The following SPR variants were observed in gnomAD, a reference collection of about 807,000 sequenced individuals.
The protein encoded by SPR is Sepiapterin reductase (L-erythro-7,8-dihydrobiopterin forming).
In SPR, 12 loss-of-function variants were observed where a neutral mutation model predicts 16.0. The ratio of observed to expected loss-of-function variants is 0.75; its 90% CI spans 0.48 to 1.22. SPR has a LOEUF of 1.22. SPR is among the 50% of genes most tolerant of loss of function. The pLI, the probability that SPR is intolerant of heterozygous loss-of-function variation, is 0.00. For missense variants in SPR, 324 were observed against 344.4 expected (o/e 0.94, Z 0.47); for synonymous variants, 177 against 168.5 (o/e 1.05, Z -0.39).
Position 72,888,560 on chromosome 2 carries a change from T to C in SPR, c.551T>C (p.Leu184Pro). The C allele has an allele frequency of 6.3e-7, 1 of 1,596,818 alleles. No individual in the cohort carries two copies. Among genetic ancestry groups the C allele is most frequent in the Non-Finnish European group, 8.5e-7 (1 of 1,169,878 alleles). Residue 184 changes from leucine (L) to proline (P), a missense_variant, in exon 2 of 3, where the codon CTG (leucine) becomes CCG (proline). Transcript: ENST00000234454. The part of the protein sequence containing the change: ...KAARDMLFQV[L>P]ALEEPNVRVL... Reference sequence around the variant, plus strand: ...GCTCGTGATATGCTGTTCCAGGTCCTGGCGCTGGAGGAACCTAATGTGAGG... The same window carrying C: ...GCTCGTGATATGCTGTTCCAGGTCCCGGCGCTGGAGGAACCTAATGTGAGG...
intron 1 of SPR, 23 bp downstream of exon 1, chr2:72,887,759 G>A: frequency 6.7e-7 from 1 of 1,493,372 alleles, no homozygotes; most frequent in Non-Finnish European, 8.9e-7. Context: ...GGCTGGAGCG[G>A]ACTCCCCATG....
At chr2:72,890,493 C>T (rs1670601353) in intron 2 of SPR, among the ~76,000 whole-genome samples, 1 of 152,226 alleles carries the variant, frequency 6.6e-6, no homozygotes. Context: ...AAGCGCCCGC[C>T]ACCACACCCG....
In SPR at chr2:72,891,690, G is replaced by A; in HGVS notation, c.*153G>A. 1 of 873,234 alleles carries A rather than the reference G, an allele frequency of 1.1e-6. No homozygotes were observed. The highest frequency in any genetic ancestry group is 1.8e-6 in the Non-Finnish European group (1 of 547,282). The allele number at this position is 873,234 out of a possible 1,614,324, so 54.1% of individuals were successfully genotyped here. On this transcript the variant is annotated 3_prime_UTR_variant, in exon 3 of 3. Coordinates refer to ENST00000234454, the MANE Select transcript of SPR (RefSeq NM_003124.5). ...CCTGCCCTCAGGCACAGCCAGCTGT[G>A]AGCTCCCAGGTCATTGGCCTTACCA...
Position 72,891,630 on chromosome 2 carries a change from C to A in SPR, c.*93C>A. The A allele has an allele frequency of 7.0e-7, 1 of 1,431,736 alleles. No homozygotes were observed. The highest frequency in any genetic ancestry group is 9.7e-7 in the Non-Finnish European group (1 of 1,031,852). 88.7% of individuals were successfully genotyped at this position (1,431,736 alleles called of 1,614,324 possible). A position where few individuals can be genotyped will look rare whatever the true frequency, so the allele number is the denominator to read the frequency against. On this transcript the variant is annotated 3_prime_UTR_variant, in exon 3 of 3. Coordinates refer to ENST00000234454, the MANE Select transcript of SPR (RefSeq NM_003124.5). Reference sequence around the variant, plus strand: ...CCCCACACCCTGCCATAGGGGCAGTCCTGCCTTACACATAGAAGCATTCAT... The same window carrying A: ...CCCCACACCCTGCCATAGGGGCAGTACTGCCTTACACATAGAAGCATTCAT...
At position 72,888,435 on chromosome 2, in the gene SPR, C is replaced by T; in HGVS notation, c.426C>T (p.Phe142=). ...LCLTSSVLKA[F]PDSPGLNRTV... ...TGACTTCCAGCGTCCTGAAGGCCTTCCCGGACAGTCCTGGCCTCAACAGAA... is the reference window on the plus strand; with the variant it reads ...TGACTTCCAGCGTCCTGAAGGCCTTTCCGGACAGTCCTGGCCTCAACAGAA... Residue 142 remains phenylalanine (F), a synonymous_variant, in exon 2 of 3, where the codon TTC becomes TTT. Transcript: ENST00000234454. 6.2e-7 allele frequency: 1 copy of T among 1,614,048 alleles called. No individual in the cohort carries two copies. Among genetic ancestry groups the T allele is most frequent in the South Asian group, 1.1e-5 (1 of 91,046 alleles).
rs1475888044 is a variant in SPR, at chr2:72,887,729, C to T, written c.297C>T (p.Asn99=). 4 of 1,512,858 alleles carry T rather than the reference C, an allele frequency of 2.6e-6. No homozygotes were observed. Among genetic ancestry groups the T allele is most frequent in the Non-Finnish European group, 1.8e-6 (2 of 1,136,888 alleles). 93.7% of individuals were successfully genotyped at this position (1,512,858 alleles called of 1,614,324 possible). A position where few individuals can be genotyped will look rare whatever the true frequency, so the allele number is the denominator to read the frequency against. The part of the protein sequence containing the change: ...PKGLQRLLLI[N]NAGSLGDVSK... ...GGCTGCAGCGACTGCTGCTTATCAA[C>T]AACGCGGGTAAGACCCCGGGGCTGG... The change falls in exon 1 of 3, where the codon AAC becomes AAT. Residue 99 remains asparagine (N), a synonymous_variant. Transcript: ENST00000234454.
Position 72,891,585 on chromosome 2 carries a change from T to A in SPR, c.*48T>A. 1 of 1,605,886 alleles carries A rather than the reference T, an allele frequency of 6.2e-7. No individual in the cohort carries two copies. The highest frequency in any genetic ancestry group is 8.5e-7 in the Non-Finnish European group (1 of 1,174,304). Reference sequence around the variant, plus strand: ...ACCTTTTTGCCCCCACTTTTAGACATACCCCAGAGCCCTGTGGCTCCCCAC... The same window carrying A: ...ACCTTTTTGCCCCCACTTTTAGACAAACCCCAGAGCCCTGTGGCTCCCCAC... On this transcript the variant is annotated 3_prime_UTR_variant, in exon 3 of 3. Transcript: ENST00000234454.
chr2:72,888,183 C>G, intron 1 of SPR, 131 bp from the exon 2 acceptor site: 1 of 939,712 alleles, frequency 1.1e-6, no homozygotes, highest in Non-Finnish European at 1.7e-6. Context: ...AGAGAGAAGC[C>G]TCTTCAGAAG....
chr2:72,887,681 G>C lies in SPR; in HGVS notation c.249G>C (p.Leu83=). Residue 83 remains leucine, a synonymous_variant, in exon 1 of 3, where the codon CTG becomes CTC. Coordinates refer to ENST00000234454, the MANE Select transcript of SPR (RefSeq NM_003124.5). ...GCTTGCAGCAGCTGCTCGGCGCCCTGCGCGAGCTCCCCCGGCCCAAGGGGC... is the reference window on the plus strand; with the variant it reads ...GCTTGCAGCAGCTGCTCGGCGCCCTCCGCGAGCTCCCCCGGCCCAAGGGGC... ...EAGLQQLLGA[L]RELPRPKGLQ... is the part of the protein sequence containing the mutation. 6.7e-7 allele frequency: 1 copy of C among 1,499,462 alleles called. No individual in the cohort carries two copies. The allele number at this position is 1,499,462 out of a possible 1,614,324, so 92.9% of individuals were successfully genotyped here.
intron 2 of SPR, among the ~76,000 whole-genome samples, chr2:72,889,748 T>C (rs982086552): frequency 3.9e-5 from 6 of 152,164 alleles, no homozygotes; most frequent in Admixed American, 3.3e-4. Context: ...CTGGGCATTA[T>C]GAGGGAGCTG....
Position 72,887,427 on chromosome 2 carries a change from A to G in SPR, c.-6A>G. The stretch of plus-strand genomic sequence containing the variant: ...GGTGCCAGCGCCGCCGGCGGAGAAC[A>G]GGAGCATGGAGGGCGGGCTGGGGCG... On this transcript the variant is annotated 5_prime_UTR_variant, in exon 1 of 3. Transcript: ENST00000234454. 1 of 1,487,096 alleles carries G rather than the reference A, an allele frequency of 6.7e-7. No individual in the cohort carries two copies. Among genetic ancestry groups the G allele is most frequent in the Non-Finnish European group, 8.9e-7 (1 of 1,123,780 alleles). 92.1% of individuals were successfully genotyped at this position (1,487,096 alleles called of 1,614,324 possible).
intron 2 of SPR, among the ~76,000 whole-genome samples, chr2:72,889,765 T>G (rs111865873): frequency 5.3e-5 from 8 of 152,310 alleles, no homozygotes; most frequent in African/African-American, 1.9e-4. Flanking sequence ...GCTGAGATTT[T>G]CAGGAGGTCC....
chr2:72,890,061 A>G (rs575435716), intron 2 of SPR, among the ~76,000 whole-genome samples: 44 of 152,348 alleles, frequency 2.9e-4, no homozygotes, highest in Admixed American at 2.6e-3. Context: ...CAGTTCAAGA[A>G]GGGAACAATT....
chr2:72,887,619 G>A lies in SPR; in HGVS notation c.187G>A (p.Val63Met), dbSNP rs1670560175. The change falls in exon 1 of 3, where the codon GTG becomes ATG. Residue 63 changes from valine (V) to methionine (M), a missense_variant. Val to Met is a conservative substitution (Grantham distance 21). Coordinates refer to ENST00000234454, the MANE Select transcript of SPR (RefSeq NM_003124.5). ...GGGCGCCGAGCGGTCTGGCCTGCGC[G>A]TGGTGCGGGTGCCCGCCGACCTGGG... Reference protein sequence around the residue: ...ELGAERSGLRVVRVPADLGAE... With the variant: ...ELGAERSGLRMVRVPADLGAE... The A allele has an allele frequency of 7.0e-7, 1 of 1,425,924 alleles. No individual in the cohort carries two copies. Among genetic ancestry groups the A allele is most frequent in the Non-Finnish European group, 9.1e-7 (1 of 1,100,050 alleles). 88.3% of individuals were successfully genotyped at this position (1,425,924 alleles called of 1,614,324 possible).
intron 2 of SPR, among the ~76,000 whole-genome samples, chr2:72,890,412 G>A (rs570263746): frequency 2.0e-5 from 3 of 152,256 alleles, no homozygotes; most frequent in East Asian, 1.9e-4. Flanking sequence ...GCACGATCTC[G>A]GCCACTGCAA....
chr2:72,888,662 G>T, intron 2 of SPR, 58 bp downstream of exon 2: 2 of 1,522,148 alleles, frequency 1.3e-6, no homozygotes, highest in African/African-American at 1.4e-5. Context: ...GCCTCTGGGG[G>T]CTGGGCAAGC....
In SPR at chr2:72,887,713, G is replaced by A. The variant is rs1186700541; in HGVS notation, c.281G>A (p.Arg94Gln). 2.0e-6 allele frequency: 3 copies of A among 1,511,132 alleles called. No individual in the cohort carries two copies. Among genetic ancestry groups the A allele is most frequent in the Non-Finnish European group, 2.6e-6 (3 of 1,136,030 alleles). 93.6% of individuals were successfully genotyped at this position (1,511,132 alleles called of 1,614,324 possible). A position where few individuals can be genotyped will look rare whatever the true frequency, so the allele number is the denominator to read the frequency against. Residue 94 changes from arginine (R) to glutamine (Q), a missense_variant, in exon 1 of 3, where the codon CGA (arginine) becomes CAA (glutamine). Arg to Gln is a conservative substitution (Grantham distance 43). Coordinates refer to ENST00000234454, the MANE Select transcript of SPR (RefSeq NM_003124.5). ...CTCCCCCGGCCCAAGGGGCTGCAGC[G>A]ACTGCTGCTTATCAACAACGCGGGT... is the stretch of plus-strand genomic sequence containing the variant. ...RELPRPKGLQ[R>Q]LLLINNAGSL...
Position 72,888,438 on chromosome 2 carries a change from G to A in SPR, c.429G>A (p.Pro143=), listed in dbSNP as rs778156231. The change falls in exon 2 of 3, where the codon CCG becomes CCA. Residue 143 remains proline, a synonymous_variant. Coordinates refer to ENST00000234454, the MANE Select transcript of SPR (RefSeq NM_003124.5). The stretch of plus-strand genomic sequence containing the variant: ...CTTCCAGCGTCCTGAAGGCCTTCCC[G>A]GACAGTCCTGGCCTCAACAGAACCG... ...CLTSSVLKAF[P]DSPGLNRTVV... is the part of the protein sequence containing the mutation. 4 of 1,613,946 alleles carry A rather than the reference G, an allele frequency of 2.5e-6. No homozygotes were observed. Among genetic ancestry groups the A allele is most frequent in the Non-Finnish European group, 3.4e-6 (4 of 1,179,944 alleles).
intron 1 of SPR, 91 bp from the exon 2 acceptor site, chr2:72,888,223 A>G: frequency 1.5e-6 from 2 of 1,314,490 alleles, no homozygotes; most frequent in Admixed American, 3.4e-5. Context: ...CTAGGTCTGC[A>G]TGGGAAGAGG....
Sources: gnomAD v4.1 joint callset for allele counts (sites outside exome capture counted in the v4.1 genomes callset) on GRCh38, gnomAD v4.1.1 for gene constraint, MANE v1.5 for transcripts, NCBI Gene and HGNC (gene_info 2026-07-23, HGNC 2026-07-21) for gene names.